RPAP3: variants seen among roughly 807,000 people sequenced by gnomAD.
The protein encoded by RPAP3 is RNA polymerase II associated protein 3.
RPAP3 carries 58 observed loss-of-function variants against 88.8 expected under a neutral mutation model. The observed-to-expected ratio is 0.65, with a 90% CI of 0.53 to 0.81. The LOEUF is 0.81. Ranked by LOEUF, RPAP3 falls within the 40% of genes least tolerant of loss-of-function variation. RPAP3 has a pLI of 0.00. For synonymous variants in RPAP3, 255 were observed against 259.9 expected (o/e 0.98, Z 0.18); for missense variants, 751 against 764.3 (o/e 0.98, Z 0.20).
intron 5 of RPAP3, among the ~76,000 whole-genome samples, chr12:47,691,684 T>C (rs935256120): frequency 6.6e-6 from 1 of 152,294 alleles, no homozygotes; most frequent in East Asian, 1.9e-4. Context: ...TCCTTGTACA[T>C]CTCCATCAGA....
At position 47,668,954 on chromosome 12, in the gene RPAP3, A is replaced by G. The variant is rs753956950; in HGVS notation, c.1675T>C (p.Leu559=). The change falls in exon 14 of 17, where the codon TTG becomes CTG. Residue 559 remains leucine, a synonymous_variant. Coordinates refer to ENST00000005386, the MANE Select transcript of RPAP3 (RefSeq NM_024604.3). ...SFQLESDFRQ[L]KSSPDMLYQY... is the part of the protein sequence containing the mutation. ...TACAACATATCTGGAGAACTTTTCAATTGTCTGAAATCAGATTCGAGCTGG... is the reference window on the plus strand; with the variant it reads ...TACAACATATCTGGAGAACTTTTCAGTTGTCTGAAATCAGATTCGAGCTGG... The G allele has an allele frequency of 6.2e-7, 1 of 1,614,032 alleles. No individual in the cohort carries two copies. Among genetic ancestry groups the G allele is most frequent in the Non-Finnish European group, 8.5e-7 (1 of 1,179,922 alleles).
At chr12:47,702,414 C>T (rs1939672749) in intron 2 of RPAP3, among the ~76,000 whole-genome samples, 1 of 151,662 alleles carries the variant, frequency 6.6e-6, no homozygotes, top group Admixed American at 6.6e-5. Flanking sequence ...AGTAGCTGGG[C>T]GTGGTGGTGC....
At chr12:47,680,749 G>GA (rs1223837921) in intron 10 of RPAP3, among the ~76,000 whole-genome samples, 3 of 149,404 alleles carry the variant, frequency 2.0e-5, no homozygotes, top group Non-Finnish European at 3.0e-5. Flanking sequence ...TAAAAACAAA[G>GA]AAAAAAAATA....
intron 16 of RPAP3, among the ~76,000 whole-genome samples, chr12:47,666,737 AAGGAG>A (rs1384719962): frequency 6.6e-6 from 1 of 152,184 alleles, no homozygotes; most frequent in East Asian, 1.9e-4. Context: ...TCCTCTGTAA[AAGGAG>A]AGTGAAAACA....
At chr12:47,704,041 C>T (rs993351772) in intron 1 of RPAP3, among the ~76,000 whole-genome samples, 2 of 152,046 alleles carry the variant, frequency 1.3e-5, no homozygotes, top group East Asian at 1.9e-4. Flanking sequence ...GCTAATGGGG[C>T]GAAGAGATAC....
In RPAP3 at chr12:47,668,299, CATG is replaced by C. The variant is rs370758094; in HGVS notation, c.1714-451_1714-449del. Among the ~76,000 whole-genome samples, 249 of 152,284 alleles carry C rather than the reference CATG, an allele frequency of 1.6e-3. 4 individuals are homozygous for C. The highest frequency in any genetic ancestry group is 5.8e-3 in the African/African-American group (239 of 41,564). ...AGAAGAATGAAAGTTACAGGAACTG[CATG>C]ATAATCACTCTATTCTAGTCACAGA... On this transcript the variant is annotated intron_variant, in intron 14 of 16. Transcript: ENST00000005386.
At chr12:47,684,168 A>G (rs529603372) in intron 9 of RPAP3, among the ~76,000 whole-genome samples, 1 of 152,112 alleles carries the variant, frequency 6.6e-6, no homozygotes, top group Non-Finnish European at 1.5e-5. Flanking sequence ...ACCAGCCTAC[A>G]TTCCACAATT....
intron 6 of RPAP3, among the ~76,000 whole-genome samples, chr12:47,689,989 C>T (rs1265705269): frequency 6.9e-6 from 1 of 144,580 alleles, no homozygotes; most frequent in Non-Finnish European, 1.5e-5. Flanking sequence ...TTGCTGTGAG[C>T]AGAGATCACA....
In RPAP3 at chr12:47,696,258, G is replaced by A. The variant is rs368571677; in HGVS notation, c.545+18C>T. On this transcript the variant is annotated intron_variant, in intron 5 of 16. Coordinates refer to ENST00000005386, the MANE Select transcript of RPAP3 (RefSeq NM_024604.3). ...ACATAAGACATTCACATTCACACACGTCACAGAAAGTCCTTACTTTTTCAG... is the reference window on the plus strand; with the variant it reads ...ACATAAGACATTCACATTCACACACATCACAGAAAGTCCTTACTTTTTCAG... 6.7e-6 allele frequency: 10 copies of A among 1,501,716 alleles called. No homozygotes were observed. In the South Asian group the frequency reaches 7.0e-5, roughly 10 times the overall value. 93.0% of individuals were successfully genotyped at this position (1,501,716 alleles called of 1,614,324 possible). A position where few individuals can be genotyped will look rare whatever the true frequency, so the allele number is the denominator to read the frequency against.
intron 3 of RPAP3, 92 bp downstream of exon 3, chr12:47,701,372 T>G (rs1050460995): frequency 2.3e-6 from 2 of 876,860 alleles, no homozygotes; most frequent in African/African-American, 3.4e-5. Context: ...AGGCCATAAC[T>G]CTACATTATT....
chr12:47,682,257 G>A (rs1187635884), intron 9 of RPAP3, among the ~76,000 whole-genome samples: 2 of 152,090 alleles, frequency 1.3e-5, no homozygotes, highest in Admixed American at 1.3e-4. Context: ...AACTTGGTAC[G>A]AATGTGATAG....
At chr12:47,674,469 C>T (rs541588051) in intron 12 of RPAP3, among the ~76,000 whole-genome samples, 8 of 152,192 alleles carry the variant, frequency 5.3e-5, no homozygotes, top group Admixed American at 2.6e-4. Flanking sequence ...GGAGGATGTT[C>T]GAACTCATCA....
At chr12:47,692,285 T>C (rs542963401) in intron 5 of RPAP3, among the ~76,000 whole-genome samples, 3 of 152,390 alleles carry the variant, frequency 2.0e-5, no homozygotes, top group Admixed American at 6.5e-5. Flanking sequence ...TAGATGGCAC[T>C]GTCTTCTAAC....
chr12:47,698,757 C>T (rs1281055906), intron 3 of RPAP3, among the ~76,000 whole-genome samples: 3 of 152,076 alleles, frequency 2.0e-5, no homozygotes, highest in Non-Finnish European at 1.5e-5. Flanking sequence ...AGCAATCTGC[C>T]CGCCTCAGCC....
intron 7 of RPAP3, among the ~76,000 whole-genome samples, chr12:47,688,307 G>A (rs934119699): frequency 6.7e-5 from 10 of 149,034 alleles, no homozygotes; most frequent in African/African-American, 2.2e-4. Context: ...AGAAACAACA[G>A]ACACTATAGA....
At chr12:47,672,018 G>C (rs995744418) in intron 12 of RPAP3, among the ~76,000 whole-genome samples, 7 of 149,944 alleles carry the variant, frequency 4.7e-5, no homozygotes, top group South Asian at 2.1e-4. Context: ...AGAGAGAGAA[G>C]AACAAAGGAA....
chr12:47,663,566 ATG>A lies in RPAP3; in HGVS notation c.1935_1936del (p.Ile646ArgfsTer8). On this transcript the variant is annotated frameshift_variant, in exon 17 of 17. Coordinates refer to ENST00000005386, the MANE Select transcript of RPAP3 (RefSeq NM_024604.3). LOFTEE classifies it high-confidence loss of function. The stretch of plus-strand genomic sequence containing the variant: ...ACTATCCTTCAATCCTGACTTGTCT[ATG>A]TGATTAAATAATGCACGTGCAACTG... 2 of 1,583,010 alleles carry A rather than the reference ATG, an allele frequency of 1.3e-6. No individual in the cohort carries two copies. The highest frequency in any genetic ancestry group is 1.8e-5 in the Admixed American group (1 of 54,298).
chr12:47,682,652 A>G (rs750495444), intron 9 of RPAP3, among the ~76,000 whole-genome samples: 5 of 151,750 alleles, frequency 3.3e-5, no homozygotes, highest in African/African-American at 1.2e-4. Context: ...CTACTTTTGT[A>G]TAAGTTTGAA....
At chr12:47,700,804 C>T (rs1400423057) in intron 3 of RPAP3, among the ~76,000 whole-genome samples, 1 of 152,212 alleles carries the variant, frequency 6.6e-6, no homozygotes, top group Non-Finnish European at 1.5e-5. Flanking sequence ...TATCGTCACA[C>T]AGCCCCAGTC....
Sources: allele counts gnomAD v4.1 joint callset (sites outside exome capture counted in the v4.1 genomes callset), GRCh38; gene constraint gnomAD v4.1.1; transcripts MANE v1.5; gene names NCBI Gene and HGNC (gene_info 2026-07-23, HGNC 2026-07-21).